Variants in WWOX observed in about 807,000 individuals in gnomAD.
WWOX encodes the protein WW domain containing oxidoreductase.
Under a neutral mutation model 46.2 loss-of-function variants are expected in WWOX, and 69 were observed. The ratio of observed to expected loss-of-function variants is 1.49; its 90% confidence interval spans 1.23 to 1.82. The LOEUF (loss-of-function observed/expected upper bound fraction) is 1.82, where lower values mean the gene tolerates loss of function less well. WWOX is among the 40% of genes most tolerant of loss of function. The pLI is 0.00. For synonymous variants in WWOX, 359 were observed against 202.6 expected, an observed-to-expected ratio of 1.77 and a Z score of -6.56; for missense variants, 919 against 542.6, an observed-to-expected ratio of 1.69 and a Z score of -6.89.
chr16:79,019,397 A>G (rs2047486112), intron 8 of WWOX, among the ~76,000 whole-genome samples: 1 of 152,018 alleles, frequency 6.6e-6, no homozygotes, highest in South Asian at 2.1e-4. Context: ...GCAACGTGTG[A>G]TTGGGCTGCG....
At chr16:78,799,385 G>A (rs563866935) in intron 8 of WWOX, among the ~76,000 whole-genome samples, 4 of 152,312 alleles carry the variant, frequency 2.6e-5, no homozygotes, top group South Asian at 2.1e-4. Context: ...ATGCTCACAC[G>A]TCTGTGCTTG....
rs547858019 is a variant in WWOX at position 78,134,735 on chromosome 16, C to G, written c.409+19581C>G. 2.6e-5 allele frequency among the ~76,000 whole-genome samples: 4 copies of G among 152,262 alleles called. No homozygotes were observed. In the South Asian group the frequency reaches 8.3e-4, roughly 32 times the overall value. On this transcript the variant is annotated intron_variant, in intron 4 of 8. Coordinates refer to ENST00000566780, the MANE Select transcript of WWOX (RefSeq NM_016373.4). ...CTTGGGATCATTTAGGTGTTGTTTG[C>G]AATTAATGGCAGGAGATATTTTCCT...
chr16:78,683,747 T>G (rs1019488169), intron 8 of WWOX, among the ~76,000 whole-genome samples: 2 of 152,036 alleles, frequency 1.3e-5, no homozygotes, highest in African/African-American at 4.8e-5. Context: ...CAGGGACTTG[T>G]GGGCATTTTC....
chr16:78,456,207 C>G (rs563940119), intron 8 of WWOX, among the ~76,000 whole-genome samples: 1 of 152,114 alleles, frequency 6.6e-6, no homozygotes, highest in African/African-American at 2.4e-5. Flanking sequence ...GTTTTTATAG[C>G]AGCAACACAG....
At position 79,122,925 on chromosome 16, in the gene WWOX, A is replaced by G. The variant is rs115554465; in HGVS notation, c.1057-88683A>G. Among the ~76,000 whole-genome samples, 830 of 152,310 alleles carry G rather than the reference A, an allele frequency of 5.4e-3. 5 individuals are homozygous for G. Among genetic ancestry groups the G allele is most frequent in the African/African-American group, 0.019 (784 of 41,572 alleles). ...CAACTTTTAGGTCTCTGAGGCAGCA[A>G]TGGGACCCTTGCCGGGGCCTCGCCA... On this transcript the variant is annotated intron_variant, in intron 8 of 8. Coordinates refer to ENST00000566780, the MANE Select transcript of WWOX (RefSeq NM_016373.4).
intron 8 of WWOX, among the ~76,000 whole-genome samples, chr16:78,924,735 C>T (rs1567653011): frequency 2.6e-5 from 4 of 152,330 alleles, no homozygotes; most frequent in East Asian, 1.9e-4. Flanking sequence ...TCTGGTCATT[C>T]TGTAGAGCTT....
intron 8 of WWOX, among the ~76,000 whole-genome samples, chr16:78,869,295 G>T (rs773943574): frequency 6.6e-6 from 1 of 152,150 alleles, no homozygotes; most frequent in African/African-American, 2.4e-5. Context: ...GGGGATCAAG[G>T]AAAGTCCGAG....
intron 8 of WWOX, among the ~76,000 whole-genome samples, chr16:78,806,225 T>C (rs2051034064): frequency 1.3e-5 from 2 of 152,190 alleles, no homozygotes; most frequent in Non-Finnish European, 1.5e-5. Context: ...CTTTTTCCTC[T>C]CAGGATTTCT....
At chr16:78,882,475 C>CTT (rs59829665) in intron 8 of WWOX, among the ~76,000 whole-genome samples, 26 of 144,796 alleles carry the variant, frequency 1.8e-4, no homozygotes, top group South Asian at 4.5e-4. Flanking sequence ...CACCATACAT[C>CTT]TTTTTTTTTT....
At chr16:78,681,110 G>C (rs887520116) in intron 8 of WWOX, among the ~76,000 whole-genome samples, 1 of 152,180 alleles carries the variant, frequency 6.6e-6, no homozygotes, top group Non-Finnish European at 1.5e-5. Flanking sequence ...ATAGTTGAGC[G>C]TGGTGGCGCA....
intron 8 of WWOX, among the ~76,000 whole-genome samples, chr16:78,620,722 T>A (rs1354471597): frequency 6.6e-6 from 1 of 152,124 alleles, no homozygotes; most frequent in Admixed American, 6.6e-5. Context: ...CAGCGATGGG[T>A]TAGCAAAATG....
rs72067397 is a variant in WWOX at position 78,702,100 on chromosome 16, T to TTATATATATATATATATATATA, written c.1056+269350_1056+269371dup. Among the ~76,000 whole-genome samples the TTATATATATATATATATATATA allele has an allele frequency of 3.2e-4, 26 of 81,210 alleles. 1 individual carries two copies. Among genetic ancestry groups the TTATATATATATATATATATATA allele is most frequent in the African/African-American group, 1.7e-3 (25 of 14,598 alleles). The allele number at this position is 81,210 out of a possible 152,430, so 53.3% of individuals were successfully genotyped here. A position where few individuals can be genotyped will look rare whatever the true frequency, so the allele number is the denominator to read the frequency against. On this transcript the variant is annotated intron_variant, in intron 8 of 8. Transcript: ENST00000566780. ...AAGTTTTATATTTATATCTATAAAG[T>TTATATATATATATATATATATA]TATATATATATATATATATATATTT...
At chr16:78,654,229 A>T (rs554656755) in intron 8 of WWOX, among the ~76,000 whole-genome samples, 15 of 152,346 alleles carry the variant, frequency 9.8e-5, no homozygotes, top group African/African-American at 3.4e-4. Context: ...CACAGCCCTG[A>T]AAACCCTGGT....
At chr16:78,837,488 C>G (rs1236085772) in intron 8 of WWOX, among the ~76,000 whole-genome samples, 1 of 152,162 alleles carries the variant, frequency 6.6e-6, no homozygotes, top group Non-Finnish European at 1.5e-5. Flanking sequence ...AAGGCTTGTT[C>G]AAAGGCCTTT....
At chr16:79,057,453 G>A (rs1238385898) in intron 8 of WWOX, among the ~76,000 whole-genome samples, 1 of 152,112 alleles carries the variant, frequency 6.6e-6, no homozygotes, top group Non-Finnish European at 1.5e-5. Flanking sequence ...CAATTCTCAG[G>A]CTCCTTCTCA....
chr16:79,120,131 C>G (rs958231257), intron 8 of WWOX, among the ~76,000 whole-genome samples: 8 of 152,188 alleles, frequency 5.3e-5, no homozygotes, highest in Admixed American at 4.6e-4. Context: ...ACCTGGCAAC[C>G]TTTATTTAAT....
chr16:78,887,328 T>C (rs184543907), intron 8 of WWOX, among the ~76,000 whole-genome samples: 6 of 152,154 alleles, frequency 3.9e-5, no homozygotes, highest in Admixed American at 1.3e-4. Flanking sequence ...TTTTAATCTG[T>C]TGTAGCTTTT....
At chr16:79,003,680 G>T (rs1187977134) in intron 8 of WWOX, among the ~76,000 whole-genome samples, 2 of 152,168 alleles carry the variant, frequency 1.3e-5, no homozygotes, top group African/African-American at 4.8e-5. Flanking sequence ...GCTGGTCTCA[G>T]CTCGTGGCTG....
At chr16:79,115,600 C>G (rs1454478176) in intron 8 of WWOX, among the ~76,000 whole-genome samples, 1 of 152,162 alleles carries the variant, frequency 6.6e-6, no homozygotes, top group African/African-American at 2.4e-5. Context: ...GTTCTTCTCA[C>G]AAAGAAAGAT....
Sources: allele counts gnomAD v4.1 joint callset (sites outside exome capture counted in the v4.1 genomes callset), GRCh38; gene constraint gnomAD v4.1.1; transcripts MANE v1.5; gene names NCBI Gene and HGNC (gene_info 2026-07-23, HGNC 2026-07-21).